ZC3H12B: variants seen among roughly 807,000 people sequenced by gnomAD.
The protein encoded by ZC3H12B is probable ribonuclease ZC3H12B.
ZC3H12B carries 7 observed loss-of-function variants against 43.9 expected under a neutral mutation model. That is an observed-to-expected ratio of 0.16 (90% CI 0.09 to 0.30). The LOEUF (loss-of-function observed/expected upper bound fraction) is 0.30, where lower values mean the gene tolerates loss of function less well. Among genes scored for constraint, ZC3H12B ranks in the 10% least tolerant of loss-of-function variants. The probability of loss-of-function intolerance (pLI) is 1.00; values close to 1 mark genes in which losing one functional copy is unlikely to be tolerated. For missense variants in ZC3H12B, 475 were observed against 670.2 expected (o/e 0.71, Z 3.22); for synonymous variants, 222 against 241.7 (o/e 0.92, Z 0.76).
the ZC3H12B span, among the ~76,000 whole-genome samples, chrX:65,126,050 T>G: frequency 1.3e-5 from 1 of 74,159 alleles, no homozygotes; most frequent in East Asian, 3.3e-4. Flanking sequence ...TGTGTGTGTG[T>G]TTTTTTTTTT....
At chrX:65,224,080 A>C in the ZC3H12B span, among the ~76,000 whole-genome samples, 5 of 112,812 alleles carry the variant, frequency 4.4e-5, no homozygotes. Context: ...GAAGGTGTAA[A>C]GAAACTGTGG....
the ZC3H12B span, among the ~76,000 whole-genome samples, chrX:65,163,886 C>T: frequency 1.4e-4 from 16 of 111,858 alleles, no homozygotes; most frequent in East Asian, 3.1e-3. Context: ...AGATGTAGAC[C>T]GTCGCTGTTC....
At chrX:65,272,663 G>T in the ZC3H12B span, 1 of 111,604 alleles carries the variant, frequency 9.0e-6, no homozygotes, top group Non-Finnish European at 1.9e-5. Context: ...GTGAAGAATA[G>T]AGCTCTTATT....
the ZC3H12B span, among the ~76,000 whole-genome samples, chrX:65,153,006 G>T: frequency 3.6e-5 from 4 of 111,857 alleles, no homozygotes; most frequent in African/African-American, 1.3e-4. Context: ...TTAATAAATG[G>T]TGCTGTGAAA....
chrX:65,127,811 G>T, the ZC3H12B span, among the ~76,000 whole-genome samples: 2 of 110,833 alleles, frequency 1.8e-5, no homozygotes, highest in Non-Finnish European at 3.8e-5. Context: ...GGGAAAGCTG[G>T]CAGTCACAGG....
At chrX:65,129,144 G>A in the ZC3H12B span, among the ~76,000 whole-genome samples, 1 of 108,307 alleles carries the variant, frequency 9.2e-6, no homozygotes, top group Non-Finnish European at 1.9e-5. Flanking sequence ...CTTCTTGTGT[G>A]GTACTTGAAC....
chrX:65,473,984 A>T (rs1181742521), intron 3 of ZC3H12B, among the ~76,000 whole-genome samples: 1 of 111,141 alleles, frequency 9.0e-6, no homozygotes, highest in Admixed American at 9.6e-5. Context: ...TATTAGTTTC[A>T]TTTGTTTTGT....
At chrX:65,317,581 G>A in the ZC3H12B span, among the ~76,000 whole-genome samples, 1 of 108,561 alleles carries the variant, frequency 9.2e-6, no homozygotes, top group South Asian at 3.9e-4. Flanking sequence ...TTCTTATGCC[G>A]TTGCATCCTC....
the ZC3H12B span, among the ~76,000 whole-genome samples, chrX:65,168,160 T>C: frequency 8.9e-6 from 1 of 111,861 alleles, no homozygotes; most frequent in Non-Finnish European, 1.9e-5. Flanking sequence ...TAGTATGATA[T>C]TGGCTGTGGG....
intron 2 of ZC3H12B, among the ~76,000 whole-genome samples, chrX:65,378,464 C>T (rs1157811562): frequency 9.1e-6 from 1 of 110,447 alleles, no homozygotes; most frequent in Non-Finnish European, 1.9e-5. Context: ...AAATAAACAA[C>T]AGATACAAAA....
the ZC3H12B span, among the ~76,000 whole-genome samples, chrX:65,101,985 A>G: frequency 3.6e-5 from 4 of 112,292 alleles, no homozygotes; most frequent in African/African-American, 1.3e-4. Flanking sequence ...AATATCTTCA[A>G]TAAAATACTG....
the ZC3H12B span, among the ~76,000 whole-genome samples, chrX:65,248,153 C>G: frequency 2.7e-5 from 3 of 110,546 alleles, no homozygotes; most frequent in Admixed American, 1.9e-4. Context: ...TCTCCTGCCT[C>G]AGCCTCCTGA....
At chrX:65,480,311 A>T (rs910513207) in intron 3 of ZC3H12B, among the ~76,000 whole-genome samples, 3 of 112,441 alleles carry the variant, frequency 2.7e-5, no homozygotes, top group African/African-American at 9.7e-5. Context: ...CTGTGGGAAA[A>T]AAAGTGCTTT....
At chrX:65,156,822 T>C in the ZC3H12B span, among the ~76,000 whole-genome samples, 1 of 111,518 alleles carries the variant, frequency 9.0e-6, no homozygotes, top group Non-Finnish European at 1.9e-5. Context: ...AGCCATGTTT[T>C]GTTGTCGTTG....
In ZC3H12B at chrX:65,399,836, A is replaced by T. The variant is rs762678677; in HGVS notation, n.407+1132A>T. 4.4e-5 allele frequency among the ~76,000 whole-genome samples: 5 copies of T among 112,576 alleles called. No individual in the cohort carries two copies. The South Asian group carries it at 1.8e-3, about 41-fold the overall frequency. Reference sequence around the variant, plus strand: ...ATGTAATACATGTAAACAATGGAGTACTACTCAGTCATAAAAGTAGAATGA... The same window carrying T: ...ATGTAATACATGTAAACAATGGAGTTCTACTCAGTCATAAAAGTAGAATGA... On this transcript the variant is annotated intron_variant and non_coding_transcript_variant, in intron 3 of 5. Transcript: ENST00000617377.
At chrX:65,460,572 G>T (rs778542557) in intron 3 of ZC3H12B, among the ~76,000 whole-genome samples, 1 of 111,865 alleles carries the variant, frequency 8.9e-6, no homozygotes, top group African/African-American at 3.2e-5. Context: ...ACAACAATCT[G>T]ATCTTTGGCA....
intron 2 of ZC3H12B, among the ~76,000 whole-genome samples, chrX:65,394,432 T>A (rs1293392916): frequency 2.7e-5 from 3 of 112,620 alleles, no homozygotes; most frequent in Admixed American, 9.4e-5. Flanking sequence ...CTAGCCAGTT[T>A]TCCCAACATC....
At chrX:65,127,976 A>T in the ZC3H12B span, among the ~76,000 whole-genome samples, 1 of 111,368 alleles carries the variant, frequency 9.0e-6, no homozygotes, top group African/African-American at 3.3e-5. Flanking sequence ...AAGCAAGCAG[A>T]CTCACAGTTT....
chrX:65,273,113 T>G, the ZC3H12B span: 1 of 112,330 alleles, frequency 8.9e-6, no homozygotes, highest in African/African-American at 3.2e-5. Flanking sequence ...ATCCTTGATT[T>G]TTGGAATGAT....
Sources: allele counts gnomAD v4.1 joint callset (sites outside exome capture counted in the v4.1 genomes callset), GRCh38; gene constraint gnomAD v4.1.1; transcripts MANE v1.5; gene names NCBI Gene and HGNC (gene_info 2026-07-23, HGNC 2026-07-21).